Variants in INF2 observed in about 807,000 individuals in gnomAD.
The protein encoded by INF2 is inverted formin 2.
A neutral mutation model predicts 123.5 loss-of-function variants in INF2; 43 were observed. The ratio of observed to expected loss-of-function variants is 0.35; its 90% CI spans 0.27 to 0.45. The LOEUF (loss-of-function observed/expected upper bound fraction) is 0.45, where lower values mean the gene tolerates loss of function less well. INF2 is among the 20% of genes least tolerant of loss of function. INF2 has a pLI of 1.00. For missense variants in INF2, 1,453 were observed against 1,682.7 expected (o/e 0.86, Z 2.39); for synonymous variants, 851 against 745.0 (o/e 1.14, Z -2.32).
At chr14:104,683,823 C>G (rs559008165) in intron 1 of INF2, among the ~76,000 whole-genome samples, 3 of 152,212 alleles carry the variant, frequency 2.0e-5, no homozygotes, top group East Asian at 1.9e-4. Context: ...CCCTCTCCCC[C>G]TCTCCCCTTC....
At chr14:104,717,616 T>G (rs957560515) in intron 22 of INF2, 2 of 152,242 alleles carry the variant, frequency 1.3e-5, no homozygotes, top group Admixed American at 6.5e-5. Flanking sequence ...GAAGATAACT[T>G]CACTTTGGGT....
intron 9 of INF2, 39 bp from the exon 10 acceptor site, chr14:104,708,632 A>G (rs1414275034): frequency 3.7e-6 from 6 of 1,612,608 alleles, no homozygotes; most frequent in Non-Finnish European, 5.1e-6. Flanking sequence ...CTGCCTGGCC[A>G]CCCTCCGGTA....
chr14:104,699,929 T>G lies in INF2; in HGVS notation c.-9-1428T>G, dbSNP rs535341336. 4.6e-4 allele frequency among the ~76,000 whole-genome samples: 70 copies of G among 152,148 alleles called. No individual in the cohort carries two copies. The highest frequency in any genetic ancestry group is 6.2e-4 in the Non-Finnish European group (42 of 67,944). On this transcript the variant is annotated intron_variant, in intron 1 of 22. Coordinates refer to ENST00000392634, the MANE Select transcript of INF2 (RefSeq NM_022489.4). This position sits in a 1 kb window ranked among gnomAD's most constrained non-coding sequence, Gnocchi z 4.7. ...GAGCCCACTGGCCCCCTGGGGCAGTTGGACAGGTGGAGGGCTGAGGGGCGG... is the reference window on the plus strand; with the variant it reads ...GAGCCCACTGGCCCCCTGGGGCAGTGGGACAGGTGGAGGGCTGAGGGGCGG...
rs777276445 is a variant in INF2, at chr14:104,708,745, G to A, written c.1949+13G>A. ...AGCAATTTAAGTGGTGAGTGAGGGAGGTAGCCCCCATCCCAGGCCACGGAG... is the reference window on the plus strand; with the variant it reads ...AGCAATTTAAGTGGTGAGTGAGGGAAGTAGCCCCCATCCCAGGCCACGGAG... On this transcript the variant is annotated intron_variant, in intron 10 of 22. Transcript: ENST00000392634. 3.1e-6 allele frequency: 5 copies of A among 1,612,688 alleles called. No homozygotes were observed. The highest frequency in any genetic ancestry group is 2.2e-5 in the East Asian group (1 of 44,870).
At chr14:104,685,268 C>G (rs567791549), upstream of INF2, among the ~76,000 whole-genome samples, 1 of 152,298 alleles carries the variant, frequency 6.6e-6, no homozygotes, top group African/African-American at 2.4e-5. Flanking sequence ...CTTCCCTCCT[C>G]AGACCAGGGA....
In INF2 at chr14:104,708,873, A is replaced by G. The variant is rs79119257; in HGVS notation, c.1949+141A>G. 0.017 allele frequency: 15,893 copies of G among 951,076 alleles called. 261 individuals are homozygous for G. Among genetic ancestry groups the G allele is most frequent in the South Asian group, 0.045 (3,344 of 74,668 alleles). The allele number at this position is 951,076 out of a possible 1,614,324, so 58.9% of individuals were successfully genotyped here. On this transcript the variant is annotated intron_variant, in intron 10 of 22. Coordinates refer to ENST00000392634, the MANE Select transcript of INF2 (RefSeq NM_022489.4). ...CCCCTAGGCAGGATTGTAGGCGGGT[A>G]ATAGCCCCATGCTGCCCCAGCTAGG...
chr14:104,702,474 G>C (rs1889571998), intron 2 of INF2, among the ~76,000 whole-genome samples: 1 of 152,254 alleles, frequency 6.6e-6, no homozygotes, highest in African/African-American at 2.4e-5. Context: ...AACCCTTGCT[G>C]TGCCACTCCA....
rs765986755 is a variant in INF2, at chr14:104,706,066, C to G, written c.733C>G (p.Leu245Val). 5.6e-6 allele frequency: 9 copies of G among 1,612,456 alleles called. No homozygotes were observed. Among genetic ancestry groups the G allele is most frequent in the Non-Finnish European group, 6.8e-6 (8 of 1,179,736 alleles). Residue 245 changes from leucine to valine, a missense_variant, in exon 6 of 23, where the codon CTG becomes GTG. Physicochemically the swap from Leu to Val is conservative, Grantham distance 32 (BLOSUM62 1). This residue lies in a region of INF2 where 251 missense variants were observed against 349.4 expected (regional missense o/e 0.72). Coordinates refer to ENST00000392634, the MANE Select transcript of INF2 (RefSeq NM_022489.4). ...DLEDADLLIQ[L>V]EAFEEAKAED... ...GGAGGATGCCGACCTGCTGATCCAGCTGGAGGCTTTCGAGGAGGCTAAGGC... is the reference window on the plus strand; with the variant it reads ...GGAGGATGCCGACCTGCTGATCCAGGTGGAGGCTTTCGAGGAGGCTAAGGC...
rs1310111376 is a variant in INF2, at chr14:104,699,944, C to A, written c.-9-1413C>A. On this transcript the variant is annotated intron_variant, in intron 1 of 22. Coordinates refer to ENST00000392634, the MANE Select transcript of INF2 (RefSeq NM_022489.4). The surrounding 1 kb of genome is among the most constrained non-coding windows in gnomAD (Gnocchi z 4.7). Reference sequence around the variant, plus strand: ...CTGGGGCAGTTGGACAGGTGGAGGGCTGAGGGGCGGTGCGGGGAGTAGGGG... The same window carrying A: ...CTGGGGCAGTTGGACAGGTGGAGGGATGAGGGGCGGTGCGGGGAGTAGGGG... Among the ~76,000 whole-genome samples, 1 of 152,068 alleles carries A rather than the reference C, an allele frequency of 6.6e-6. No individual in the cohort carries two copies. Among genetic ancestry groups the A allele is most frequent in the Non-Finnish European group, 1.5e-5 (1 of 67,980 alleles).
chr14:104,719,117 C>G lies in INF2; in HGVS notation c.*324C>G, dbSNP rs1230084310. ...GCCAAGGGCCAGTCGGGGGGTGCTG[C>G]GTCCTGCCAGTGTCCACCACAGCTC... On this transcript the variant is annotated 3_prime_UTR_variant, in exon 23 of 23. Coordinates refer to ENST00000392634, the MANE Select transcript of INF2 (RefSeq NM_022489.4). 2.2e-6 allele frequency: 1 copy of G among 456,018 alleles called. No homozygotes were observed. Among genetic ancestry groups the G allele is most frequent in the African/African-American group, 2.0e-5 (1 of 50,026 alleles). 28.2% of individuals were successfully genotyped at this position (456,018 alleles called of 1,614,324 possible).
upstream of INF2, among the ~76,000 whole-genome samples, chr14:104,688,379 G>C (rs1888748630): frequency 2.0e-5 from 3 of 152,310 alleles, no homozygotes; most frequent in South Asian, 6.2e-4. Flanking sequence ...AAAGCCAAAG[G>C]ACACGCAGCT....
chr14:104,691,025 G>A (rs1039669398), intron 1 of INF2, among the ~76,000 whole-genome samples: 2 of 152,236 alleles, frequency 1.3e-5, no homozygotes, highest in African/African-American at 4.8e-5. Flanking sequence ...CCCATCCCTG[G>A]ACTGTCATGG....
chr14:104,695,760 G>A (rs1484094326), intron 1 of INF2, among the ~76,000 whole-genome samples: 1 of 151,980 alleles, frequency 6.6e-6, no homozygotes, highest in African/African-American at 2.4e-5. Context: ...GACACAGAGA[G>A]CCCAGCTGTA....
chr14:104,685,231 G>C (rs1341824873), upstream of INF2, among the ~76,000 whole-genome samples: 1 of 152,168 alleles, frequency 6.6e-6, no homozygotes, highest in Non-Finnish European at 1.5e-5. Flanking sequence ...TCCCTTCTAA[G>C]AGCAGCAGCC....
At chr14:104,706,258 TC>T (rs1889776770) in intron 6 of INF2, 82 bp downstream of exon 6, 1 of 1,410,562 alleles carries the variant, frequency 7.1e-7, no homozygotes, top group African/African-American at 1.4e-5. Flanking sequence ...CCTGGAACGG[TC>T]CTCCCTGCCC....
At chr14:104,717,638 C>A (rs770446845) in intron 22 of INF2, 1 of 152,168 alleles carries the variant, frequency 6.6e-6, no homozygotes, top group African/African-American at 2.4e-5. Flanking sequence ...TGCCTGATTG[C>A]GCCCCCAAGT....
rs767113454 is a variant in INF2, at chr14:104,707,254, C to T, written c.987C>T (p.Ala329=). Reference sequence around the variant, plus strand: ...GACCCTGGACATCCCCTACTGCAGCCCAGGAATGCACCCTGGAGGAAGTGG... The same window carrying T: ...GACCCTGGACATCCCCTACTGCAGCTCAGGAATGCACCCTGGAGGAAGTGG... ...VNRAVLLASD[A]QECTLEEVVE... is the part of the protein sequence containing the mutation. Residue 329 remains alanine (A), a splice_region_variant and synonymous_variant, in exon 8 of 23, where the codon GCC becomes GCT. Coordinates refer to ENST00000392634, the MANE Select transcript of INF2 (RefSeq NM_022489.4). The T allele has an allele frequency of 6.2e-6, 10 of 1,607,914 alleles. No homozygotes were observed. The South Asian group carries it at 1.1e-4, about 18-fold the overall frequency.
chr14:104,706,029 GCA>G lies in INF2; in HGVS notation c.702-3_702-2del, dbSNP rs775049605. The G allele has an allele frequency of 6.2e-7, 1 of 1,611,230 alleles. No homozygotes were observed. Among genetic ancestry groups the G allele is most frequent in the Non-Finnish European group, 8.5e-7 (1 of 1,179,250 alleles). On this transcript the variant is annotated splice_polypyrimidine_tract_variant and splice_region_variant and intron_variant, in intron 5 of 22. Transcript: ENST00000392634. ...AGGCTTAGCCCACCTGGCCCCTCCT[GCA>G]CAGAGACCTGGAGGATGCCGACCTG...
At chr14:104,718,498 G>C (rs1890420240) in intron 22 of INF2, among the ~76,000 whole-genome samples, 1 of 152,144 alleles carries the variant, frequency 6.6e-6, no homozygotes, top group Non-Finnish European at 1.5e-5. Context: ...CTGGGTCTCA[G>C]ACAGGGGGTG....
Sources: gnomAD v4.1 joint callset for allele counts (sites outside exome capture counted in the v4.1 genomes callset) on GRCh38, gnomAD v4.1.1 for gene constraint, gnomAD v4.1.1 regional missense constraint, Gnocchi (gnomAD v3.1) non-coding constraint, MANE v1.5 for transcripts, NCBI Gene and HGNC (gene_info 2026-07-23, HGNC 2026-07-21) for gene names.